The following PIGX variants were observed in gnomAD, a reference collection of about 807,000 sequenced individuals.
PIGX encodes the protein GPI alpha-1,4-mannosyltransferase I, stabilizing subunit.
PIGX carries 24 observed loss-of-function variants against 28.7 expected under a neutral mutation model. That is an observed-to-expected ratio of 0.84 (90% confidence interval 0.60 to 1.17). The LOEUF (loss-of-function observed/expected upper bound fraction) is 1.17. Ranked by LOEUF, PIGX falls within the 50% of genes most tolerant of loss-of-function variation. PIGX has a pLI of 0.00. For synonymous variants in PIGX, 127 were observed against 121.0 expected (o/e 1.05, Z -0.33); for missense variants, 305 against 317.8 (o/e 0.96, Z 0.31).
rs1207436702 is a variant in PIGX at position 196,732,245 on chromosome 3, TATATA to T, written c.633+1154_633+1158del. On this transcript the variant is annotated intron_variant, in intron 5 of 5. Coordinates refer to ENST00000392391, the MANE Select transcript of PIGX (RefSeq NM_017861.4). ...ATATATATATATATATATATATATATATATATATATATTTTATTTTATTTTATTTT... is the reference window on the plus strand; with the variant it reads ...ATATATATATATATATATATATATATTATATATTTTATTTTATTTTATTTT... Among the ~76,000 whole-genome samples the T allele has an allele frequency of 4.6e-4, 19 of 41,042 alleles. 1 individual carries two copies. The highest frequency in any genetic ancestry group is 1.4e-3 in the African/African-American group (12 of 8,364). 26.9% of individuals were successfully genotyped at this position (41,042 alleles called of 152,430 possible).
At chr3:196,729,045 C>G (rs575793520) in intron 4 of PIGX, among the ~76,000 whole-genome samples, 4 of 152,188 alleles carry the variant, frequency 2.6e-5, no homozygotes, top group African/African-American at 9.6e-5. Context: ...GAAAAATCAG[C>G]TTTTGCTGCC....
intron 4 of PIGX, 192 bp downstream of exon 4, chr3:196,728,328 T>A: frequency 3.4e-6 from 2 of 593,062 alleles, no homozygotes; most frequent in Non-Finnish European, 6.0e-6. Flanking sequence ...TGCTTTAATT[T>A]ACAATAAAAA....
At chr3:196,718,295 C>A (rs977079476) in intron 2 of PIGX, among the ~76,000 whole-genome samples, 80 of 150,170 alleles carry the variant, frequency 5.3e-4, no homozygotes, top group African/African-American at 1.9e-3. Context: ...GGCAACAGAG[C>A]GAGGCAAAAC....
intron 1 of PIGX, among the ~76,000 whole-genome samples, chr3:196,714,576 C>T (rs1251615305): frequency 6.6e-6 from 1 of 151,974 alleles, no homozygotes; most frequent in Non-Finnish European, 1.5e-5. Flanking sequence ...ATTCTCCTGC[C>T]TCAGCCTCCC....
At chr3:196,719,444 A>G (rs998302995) in intron 2 of PIGX, among the ~76,000 whole-genome samples, 1 of 152,160 alleles carries the variant, frequency 6.6e-6, no homozygotes, top group Non-Finnish European at 1.5e-5. Context: ...CTCGTCATTT[A>G]GCATTAGGTT....
intron 1 of PIGX, among the ~76,000 whole-genome samples, chr3:196,713,554 T>C (rs1489979547): frequency 6.6e-6 from 1 of 152,114 alleles, no homozygotes; most frequent in Admixed American, 6.5e-5. Context: ...TGGTCCACCC[T>C]CCTCAGCCTC....
At position 196,733,498 on chromosome 3, in the gene PIGX, G is replaced by A. The variant is rs1712893788; in HGVS notation, c.634-261G>A. Among the ~76,000 whole-genome samples the A allele has an allele frequency of 6.6e-6, 1 of 151,946 alleles. No individual in the cohort carries two copies. The highest frequency in any genetic ancestry group is 2.4e-5 in the African/African-American group (1 of 41,360). The stretch of plus-strand genomic sequence containing the variant: ...CGATCTCAGCTCACTGCAAACCTCC[G>A]CCTCCCGGGTTCAAGTGATTGTTCT... On this transcript the variant is annotated intron_variant, in intron 5 of 5. Transcript: ENST00000392391. The surrounding 1 kb of genome is among the most constrained non-coding windows in gnomAD (Gnocchi z 4.3).
chr3:196,734,436 A>G lies in PIGX; in HGVS notation c.*534A>G, dbSNP rs1354842022. ...AAGTTAGCTGGGGCTGGTGGTGGGC[A>G]TCTGTAGTCCCAGCTAATTGGAAGG... On this transcript the variant is annotated 3_prime_UTR_variant, in exon 6 of 6. Coordinates refer to ENST00000392391, the MANE Select transcript of PIGX (RefSeq NM_017861.4). 1 of 152,510 alleles carries G rather than the reference A, an allele frequency of 6.6e-6. No individual in the cohort carries two copies. The highest frequency in any genetic ancestry group is 2.4e-5 in the African/African-American group (1 of 41,428). 9.4% of individuals were successfully genotyped at this position (152,510 alleles called of 1,614,324 possible).
At position 196,727,951 on chromosome 3, in the gene PIGX, T is replaced by C. The variant is rs1349407066; in HGVS notation, c.347T>C (p.Ile116Thr). 1 of 1,611,862 alleles carries C rather than the reference T, an allele frequency of 6.2e-7. No individual in the cohort carries two copies. The highest frequency in any genetic ancestry group is 8.5e-7 in the Non-Finnish European group (1 of 1,178,276). Residue 116 changes from isoleucine to threonine, a missense_variant, in exon 4 of 6, where the codon ATA becomes ACA. Ile to Thr is a moderately conservative substitution (Grantham distance 89, BLOSUM62 -1). Coordinates refer to ENST00000392391, the MANE Select transcript of PIGX (RefSeq NM_017861.4). ...GTGATGGTTTCAGAAAATTTTGATA[T>C]AGAGGCCCCTAACTATTTGTCCAAG...
At chr3:196,726,538 A>T (rs1231124206) in intron 3 of PIGX, 2 of 348,838 alleles carry the variant, frequency 5.7e-6, no homozygotes, top group East Asian at 1.7e-4. Context: ...AGTTTTGCCT[A>T]AAGAAGGTAA....
chr3:196,719,952 G>A (rs553767097), intron 2 of PIGX, among the ~76,000 whole-genome samples: 34 of 152,144 alleles, frequency 2.2e-4, no homozygotes, highest in Admixed American at 1.8e-3. Flanking sequence ...GCTAATTTTC[G>A]TATTTTCAGT....
At chr3:196,728,248 A>G in intron 4 of PIGX, 112 bp downstream of exon 4, 1 of 730,378 alleles carries the variant, frequency 1.4e-6, no homozygotes, top group South Asian at 1.6e-5. Flanking sequence ...CCTAGGTGGT[A>G]GTTACAAGGG....
At chr3:196,732,238 A>T (rs1232021883) in intron 5 of PIGX, among the ~76,000 whole-genome samples, 2 of 57,926 alleles carry the variant, frequency 3.5e-5, no homozygotes, top group African/African-American at 1.7e-4. Context: ...ATATATATAT[A>T]TATATATATA....
intron 2 of PIGX, among the ~76,000 whole-genome samples, chr3:196,719,286 C>T (rs199806325): frequency 7.2e-6 from 1 of 139,554 alleles, no homozygotes; most frequent in Non-Finnish European, 1.5e-5. Flanking sequence ...CTAGTCTTCT[C>T]CTTCTTTTCT....
chr3:196,728,444 TC>T (rs1712613335), intron 4 of PIGX: 1 of 591,240 alleles, frequency 1.7e-6, no homozygotes, highest in Admixed American at 3.1e-5. Flanking sequence ...GTTAAATACT[TC>T]CTTATGTTTC....
intron 5 of PIGX, among the ~76,000 whole-genome samples, chr3:196,732,260 TATTTTA>T (rs1560080767): frequency 6.6e-5 from 4 of 60,448 alleles, no homozygotes; most frequent in Admixed American, 2.3e-4. Context: ...ATATATATTT[TATTTTA>T]TTTTATTTTT....
intron 1 of PIGX, among the ~76,000 whole-genome samples, chr3:196,714,650 C>T (rs147319846): frequency 0.015 from 2,264 of 152,190 alleles, 90 homozygotes; most frequent in Admixed American, 0.09. Flanking sequence ...TTAGTAAAGA[C>T]GGGGTTTCAC....
At chr3:196,722,360 T>C in intron 2 of PIGX, 55 bp from the exon 3 acceptor site, 1 of 1,307,708 alleles carries the variant, frequency 7.6e-7, no homozygotes. Context: ...AGTGTTATGT[T>C]ATCTCATTTA....
intron 5 of PIGX, among the ~76,000 whole-genome samples, chr3:196,732,542 A>T (rs1322735611): frequency 6.6e-6 from 1 of 151,678 alleles, no homozygotes; most frequent in African/African-American, 2.4e-5. Flanking sequence ...AGCCTCCCAA[A>T]GTGCTGGGAT....
Sources: gnomAD v4.1 joint callset for allele counts (sites outside exome capture counted in the v4.1 genomes callset) on GRCh38, gnomAD v4.1.1 for gene constraint, Gnocchi (gnomAD v3.1) non-coding constraint, MANE v1.5 for transcripts, NCBI Gene and HGNC (gene_info 2026-07-23, HGNC 2026-07-21) for gene names.